The following MND1 variants were observed in gnomAD, a reference collection of about 807,000 sequenced individuals.
MND1 encodes meiotic nuclear divisions 1, also known as meiotic nuclear division protein 1 homolog.
A neutral mutation model predicts 35.1 loss-of-function variants in MND1; 28 were observed. That is an observed-to-expected ratio of 0.80 (90% confidence interval 0.59 to 1.09). The LOEUF (loss-of-function observed/expected upper bound fraction) is 1.09, where lower values mean the gene tolerates loss of function less well. Among genes scored for constraint, MND1 ranks in the 50% least tolerant of loss-of-function variants. The probability of loss-of-function intolerance (pLI) is 0.00; values close to 1 mark genes in which losing one functional copy is unlikely to be tolerated. For synonymous variants in MND1, 69 were observed against 70.5 expected (o/e 0.98, Z 0.11); for missense variants, 213 against 239.6 (o/e 0.89, Z 0.73).
intron 4 of MND1, among the ~76,000 whole-genome samples, chr4:153,387,731 C>T (rs1218822713): frequency 6.6e-6 from 1 of 151,964 alleles, no homozygotes; most frequent in African/African-American, 2.4e-5. Context: ...GCCTGGGTGA[C>T]AGAACGAGAC....
Position 153,374,519 on chromosome 4 carries a change from G to A in MND1, c.276+15897G>A, listed in dbSNP as rs149579539. ...CTCAGTTCATGTTGGATTGAACTAG[G>A]TTCCAAACTTAAGGTTATAGTAAAG... On this transcript the variant is annotated intron_variant, in intron 4 of 7. Coordinates refer to ENST00000240488, the MANE Select transcript of MND1 (RefSeq NM_032117.4). 1.9e-3 allele frequency among the ~76,000 whole-genome samples: 282 copies of A among 152,242 alleles called. 3 individuals carry two copies. Among genetic ancestry groups the A allele is most frequent in the African/African-American group, 6.2e-3 (259 of 41,560 alleles).
intron 6 of MND1, 23 bp from the exon 7 acceptor site, chr4:153,408,938 ACATTTCATTT>A: frequency 3.7e-6 from 3 of 817,284 alleles, no homozygotes; most frequent in African/African-American, 1.9e-5. Flanking sequence ...ATATATAAAT[ACATTTCATTT>A]TATATATATA....
chr4:153,401,111 A>G (rs953062621), intron 6 of MND1, among the ~76,000 whole-genome samples: 3 of 152,188 alleles, frequency 2.0e-5, no homozygotes, highest in African/African-American at 4.8e-5. Context: ...TTTAAAAAAT[A>G]TGAAAATGGG....
intron 4 of MND1, among the ~76,000 whole-genome samples, chr4:153,390,705 G>A (rs968898180): frequency 3.9e-4 from 59 of 152,016 alleles, no homozygotes; most frequent in African/African-American, 1.4e-3. Context: ...AAAATTAGCC[G>A]GGCGTGGTAG....
intron 4 of MND1, among the ~76,000 whole-genome samples, chr4:153,390,030 C>CT (rs33959069): frequency 0.015 from 2,186 of 143,604 alleles, 24 homozygotes; most frequent in Middle Eastern, 0.062. Context: ...AGCCCTTTGG[C>CT]TTTTTTTTTT....
At chr4:153,386,308 T>C (rs932937579) in intron 4 of MND1, among the ~76,000 whole-genome samples, 10 of 148,940 alleles carry the variant, frequency 6.7e-5, no homozygotes, top group African/African-American at 2.2e-4. Flanking sequence ...CTGGGCAACA[T>C]AGTGAGAACT....
intron 6 of MND1, among the ~76,000 whole-genome samples, chr4:153,402,095 C>T (rs914000672): frequency 3.9e-5 from 6 of 152,072 alleles, no homozygotes; most frequent in African/African-American, 1.4e-4. Flanking sequence ...GCGAAGGCTG[C>T]AATGAGCCAA....
intron 2 of MND1, among the ~76,000 whole-genome samples, chr4:153,354,607 A>G (rs532663850): frequency 2.0e-5 from 3 of 152,212 alleles, no homozygotes; most frequent in Admixed American, 2.0e-4. Context: ...GGCTCAAGCT[A>G]TTCTCCCATC....
intron 4 of MND1, chr4:153,381,693 T>TATATATATATATA (rs1491188331): frequency 8.3e-4 from 10 of 12,072 alleles, no homozygotes; most frequent in Non-Finnish European, 1.2e-3. Context: ...TATATATATA[T>TATATATATATATA]TTTTTTTTTT....
rs1728825243 is a variant in MND1 at position 153,385,424 on chromosome 4, G to A, written c.277-8838G>A. On this transcript the variant is annotated intron_variant, in intron 4 of 7. Transcript: ENST00000240488. ...TCATTTAAGTTCAAATTTTTCAAAA[G>A]TAGAGTATGGTCCAGGCACAGTGGC... 2.0e-5 allele frequency among the ~76,000 whole-genome samples: 3 copies of A among 152,260 alleles called. No homozygotes were observed. The South Asian group carries it at 6.2e-4, about 32-fold the overall frequency.
intron 4 of MND1, among the ~76,000 whole-genome samples, chr4:153,377,513 G>A (rs1279301401): frequency 6.6e-6 from 1 of 152,170 alleles, no homozygotes; most frequent in Admixed American, 6.5e-5. Context: ...GAATGAATTA[G>A]GTAGTTTCTG....
rs561004288 is a variant in MND1, at chr4:153,384,443, A to ATTTTTTTTTTT, written c.277-9800_277-9790dup. On this transcript the variant is annotated intron_variant, in intron 4 of 7. Coordinates refer to ENST00000240488, the MANE Select transcript of MND1 (RefSeq NM_032117.4). ...TGCCACCATGCCCAGCTAATGTTTAATTTTTTTTTTTTTTTTTTTTTTTTT... is the reference window on the plus strand; with the variant it reads ...TGCCACCATGCCCAGCTAATGTTTAATTTTTTTTTTTTTTTTTTTTTTTTTTTTTTTTTTTT... Among the ~76,000 whole-genome samples the ATTTTTTTTTTT allele has an allele frequency of 2.2e-3, 136 of 63,186 alleles. 16 individuals are homozygous for ATTTTTTTTTTT. The highest frequency in any genetic ancestry group is 3.9e-3 in the African/African-American group (66 of 16,918). The allele number at this position is 63,186 out of a possible 152,430, so 41.5% of individuals were successfully genotyped here.
At chr4:153,359,147 T>C (rs771704395) in intron 4 of MND1, among the ~76,000 whole-genome samples, 1 of 152,202 alleles carries the variant, frequency 6.6e-6, no homozygotes, top group African/African-American at 2.4e-5. Context: ...ATTATAGTAT[T>C]GTACAGAATA....
chr4:153,366,329 C>A (rs1232015462), intron 4 of MND1, among the ~76,000 whole-genome samples: 1 of 152,182 alleles, frequency 6.6e-6, no homozygotes, highest in Non-Finnish European at 1.5e-5. Flanking sequence ...AGGATTGGGA[C>A]CTCCTATCTT....
intron 2 of MND1, among the ~76,000 whole-genome samples, chr4:153,354,134 T>C (rs1159988142): frequency 6.7e-6 from 1 of 149,230 alleles, no homozygotes; most frequent in African/African-American, 2.5e-5. Flanking sequence ...GAAAATAATA[T>C]TCTAGACAGG....
At position 153,371,775 on chromosome 4, in the gene MND1, A is replaced by G. The variant is rs80119931; in HGVS notation, c.276+13153A>G. Reference sequence around the variant, plus strand: ...TAGATTAGCACTTTTAATTTCTTTCAGGAACTTTTCCCTTGCACTCACAAC... The same window carrying G: ...TAGATTAGCACTTTTAATTTCTTTCGGGAACTTTTCCCTTGCACTCACAAC... On this transcript the variant is annotated intron_variant, in intron 4 of 7. Coordinates refer to ENST00000240488, the MANE Select transcript of MND1 (RefSeq NM_032117.4). Among the ~76,000 whole-genome samples, 21 of 152,152 alleles carry G rather than the reference A, an allele frequency of 1.4e-4. No homozygotes were observed. The South Asian group carries it at 2.1e-3, about 15-fold the overall frequency.
intron 4 of MND1, among the ~76,000 whole-genome samples, chr4:153,387,094 T>C (rs1339995896): frequency 6.6e-6 from 1 of 152,222 alleles, no homozygotes; most frequent in Non-Finnish European, 1.5e-5. Context: ...ATAGAAAACT[T>C]AAAAGTATGT....
chr4:153,384,308 T>C (rs1372159867), intron 4 of MND1, among the ~76,000 whole-genome samples: 3 of 147,696 alleles, frequency 2.0e-5, no homozygotes, highest in Non-Finnish European at 3.0e-5. Context: ...CCTCACTCTG[T>C]TGCACAGGCT....
chr4:153,410,698 A>G (rs1384013159), intron 7 of MND1, among the ~76,000 whole-genome samples: 1 of 152,180 alleles, frequency 6.6e-6, no homozygotes, highest in African/African-American at 2.4e-5. Flanking sequence ...ATTTTTACTT[A>G]AAAAAGTCCT....
Sources: allele counts gnomAD v4.1 joint callset (sites outside exome capture counted in the v4.1 genomes callset), GRCh38; gene constraint gnomAD v4.1.1; transcripts MANE v1.5; gene names NCBI Gene and HGNC (gene_info 2026-07-23, HGNC 2026-07-21).